The following ICAM5 variants were observed in gnomAD, a reference collection of about 807,000 sequenced individuals.
The protein encoded by ICAM5 is ICAM-5.
Under a neutral mutation model 78.8 loss-of-function variants are expected in ICAM5, and 38 were observed. The ratio of observed to expected loss-of-function variants is 0.48; its 90% CI spans 0.37 to 0.63. ICAM5 has a LOEUF of 0.63. Ranked by LOEUF, ICAM5 falls within the 30% of genes least tolerant of loss-of-function variation. The pLI is 0.00. For missense variants in ICAM5, 1,059 were observed against 1,303.0 expected (o/e 0.81, Z 2.88); for synonymous variants, 544 against 590.9 (o/e 0.92, Z 1.15).
Position 10,291,285 on chromosome 19 carries a change from G to C in ICAM5, c.296G>C (p.Cys99Ser). Residue 99 changes from cysteine (C) to serine (S), a missense_variant, in exon 2 of 11, where the codon TGC becomes TCC. Cys to Ser is a moderately radical substitution (Grantham distance 112). Around this residue, in one of 3 missense-constraint regions of ICAM5, gnomAD observed 815 missense variants for 952.8 expected, o/e 0.86. Transcript: ENST00000221980. ...CGCGAGCCGGAGACTCAGCCCGTCT[G>C]CTTCTTCCGCTGCGCGCGGCGCACA... ...DIREPETQPV[C>S]FFRCARRTLQ... The C allele has an allele frequency of 6.2e-7, 1 of 1,612,470 alleles. No individual in the cohort carries two copies. Among genetic ancestry groups the C allele is most frequent in the Non-Finnish European group, 8.5e-7 (1 of 1,179,842 alleles).
Position 10,296,466 on chromosome 19 carries a change from C to A in ICAM5, c.2625C>A (p.Ala875=). The A allele has an allele frequency of 7.6e-7, 1 of 1,308,242 alleles. No individual in the cohort carries two copies. 81.0% of individuals were successfully genotyped at this position (1,308,242 alleles called of 1,614,324 possible). Residue 875 remains alanine, a synonymous_variant, in exon 11 of 11, where the codon GCC becomes GCA. Transcript: ENST00000221980. ...AGGGCGAGTACAACGTGCAGGAGGC[C>A]GAGAGCTCAGGCGAGGCCGTGTGTC... ...CKKGEYNVQE[A]ESSGEAVCLN...
At chr19:10,292,397 G>A in intron 4 of ICAM5, 75 bp downstream of exon 4, 4 of 1,482,224 alleles carry the variant, frequency 2.7e-6, no homozygotes, top group African/African-American at 1.4e-5. Context: ...AAGAGTGGGC[G>A]GGACCTCAGT....
At position 10,292,111 on chromosome 19, in the gene ICAM5, T is replaced by A; in HGVS notation, c.750T>A (p.Thr250=). The change falls in exon 4 of 11, where the codon ACT becomes ACA. Residue 250 remains threonine (T), a synonymous_variant. Coordinates refer to ENST00000221980, the MANE Select transcript of ICAM5 (RefSeq NM_003259.4). ...GCTCGGAAAGGCCCGTGAGCTGCACTCTGGACGGACTGTTTCCAGCCTCAG... is the reference window on the plus strand; with the variant it reads ...GCTCGGAAAGGCCCGTGAGCTGCACACTGGACGGACTGTTTCCAGCCTCAG... ...EVGSERPVSC[T]LDGLFPASEA... is the part of the protein sequence containing the mutation. 6.2e-7 allele frequency: 1 copy of A among 1,613,352 alleles called. No individual in the cohort carries two copies. Among genetic ancestry groups the A allele is most frequent in the Non-Finnish European group, 8.5e-7 (1 of 1,180,014 alleles).
At position 10,294,886 on chromosome 19, in the gene ICAM5, C is replaced by T. The variant is rs1191852023; in HGVS notation, c.2230+246C>T. Among the ~76,000 whole-genome samples, 4 of 152,048 alleles carry T rather than the reference C, an allele frequency of 2.6e-5. No individual in the cohort carries two copies. Among genetic ancestry groups the T allele is most frequent in the Non-Finnish European group, 5.9e-5 (4 of 68,008 alleles). On this transcript the variant is annotated intron_variant, in intron 9 of 10. Coordinates refer to ENST00000221980, the MANE Select transcript of ICAM5 (RefSeq NM_003259.4). The surrounding 1 kb of genome is among the most constrained non-coding windows in gnomAD (Gnocchi z 7.7). ...TTCGAGACCAGCCCGGCCAACATGG[C>T]GAAAACCCGTCTCTACAAAAATTAG...
At position 10,296,580 on chromosome 19, in the gene ICAM5, G is replaced by A; in HGVS notation, c.2739G>A (p.Glu913=). ...AAGGAAESPA[E]GEVFAIQLTS... ...GGGGCGCGGCCGAGTCGCCGGCGGAGGGCGAGGTCTTCGCCATACAGCTGA... is the reference window on the plus strand; with the variant it reads ...GGGGCGCGGCCGAGTCGCCGGCGGAAGGCGAGGTCTTCGCCATACAGCTGA... Residue 913 remains glutamate, a synonymous_variant, in exon 11 of 11, where the codon GAG becomes GAA. Coordinates refer to ENST00000221980, the MANE Select transcript of ICAM5 (RefSeq NM_003259.4). 1 of 1,217,328 alleles carries A rather than the reference G, an allele frequency of 8.2e-7. No homozygotes were observed. The highest frequency in any genetic ancestry group is 1.0e-6 in the Non-Finnish European group (1 of 972,084). The allele number at this position is 1,217,328 out of a possible 1,614,324, so 75.4% of individuals were successfully genotyped here.
Position 10,294,729 on chromosome 19 carries a change from T to A in ICAM5, c.2230+89T>A. The A allele has an allele frequency of 6.4e-7, 1 of 1,569,898 alleles. No individual in the cohort carries two copies. Among genetic ancestry groups the A allele is most frequent in the East Asian group, 2.3e-5 (1 of 44,100 alleles). On this transcript the variant is annotated intron_variant, in intron 9 of 10. Coordinates refer to ENST00000221980, the MANE Select transcript of ICAM5 (RefSeq NM_003259.4). This position sits in a 1 kb window ranked among gnomAD's most constrained non-coding sequence, Gnocchi z 7.7. ...GAGCATTCAAGGGCACCTCTCCCAA[T>A]CCCATTCTCGGGGACAGGGAATTCC... is the stretch of plus-strand genomic sequence containing the variant.
In ICAM5 at chr19:10,292,659, G is replaced by C; in HGVS notation, c.1009G>C (p.Gly337Arg). Residue 337 changes from glycine (G) to arginine (R), a missense_variant, in exon 5 of 11, where the codon GGG becomes CGG. Physicochemically the swap from Gly to Arg is moderately radical, Grantham distance 125 (BLOSUM62 -2). Coordinates refer to ENST00000221980, the MANE Select transcript of ICAM5 (RefSeq NM_003259.4). ...LTLSEPSVSE[G>R]QMVTVTCAAG... The stretch of plus-strand genomic sequence containing the variant: ...CCTGAGCGAACCCAGCGTCTCCGAG[G>C]GGCAGATGGTGACAGTAACCTGCGC... 6.2e-7 allele frequency: 1 copy of C among 1,602,524 alleles called. No individual in the cohort carries two copies. The highest frequency in any genetic ancestry group is 8.5e-7 in the Non-Finnish European group (1 of 1,174,770).
chr19:10,290,937 G>C lies in ICAM5; in HGVS notation c.83-135G>C. 1 of 1,191,666 alleles carries C rather than the reference G, an allele frequency of 8.4e-7. No individual in the cohort carries two copies. Among genetic ancestry groups the C allele is most frequent in the Non-Finnish European group, 1.2e-6 (1 of 868,244 alleles). 73.8% of individuals were successfully genotyped at this position (1,191,666 alleles called of 1,614,324 possible). ...TAAACCGGAGGCCTGGGCAGGACGC[G>C]GGACGCCTGGGTTCTTTCCCTGGCT... On this transcript the variant is annotated intron_variant, in intron 1 of 10. Transcript: ENST00000221980. The surrounding 1 kb of genome is among the most constrained non-coding windows in gnomAD (Gnocchi z 5.7).
chr19:10,293,129 G>A lies in ICAM5; in HGVS notation c.1348G>A (p.Ala450Thr). 3.7e-6 allele frequency: 6 copies of A among 1,609,540 alleles called. No individual in the cohort carries two copies. Among genetic ancestry groups the A allele is most frequent in the Non-Finnish European group, 5.1e-6 (6 of 1,178,194 alleles). The part of the protein sequence containing the change: ...SVHCARSDGG[A>T]VLALGLLGPV... ...GCACTGTGCGCGCTCCGACGGCGGG[G>A]CCGTGCTGGCTCTGGGCCTGCTGGG... is the stretch of plus-strand genomic sequence containing the variant. The change falls in exon 6 of 11, where the codon GCC (alanine) becomes ACC (threonine). Residue 450 changes from alanine to threonine, a missense_variant. Physicochemically the swap from Ala to Thr is moderately conservative, Grantham distance 58. This residue lies in a region of ICAM5 where 815 missense variants were observed against 952.8 expected (regional missense o/e 0.86). Transcript: ENST00000221980. The surrounding 1 kb of genome is among the most constrained non-coding windows in gnomAD (Gnocchi z 5.0).
Position 10,292,786 on chromosome 19 carries a change from G to T in ICAM5, c.1136G>T (p.Arg379Leu). ...QLNATENDDR[R>L]SFFCDATLDV... is the part of the protein sequence containing the mutation. ...AATGCCACCGAGAACGACGACAGAC[G>T]CAGCTTCTTCTGCGACGCCACCCTC... Residue 379 changes from arginine (R) to leucine (L), a missense_variant, in exon 5 of 11, where the codon CGC becomes CTC. Physicochemically the swap from Arg to Leu is moderately radical, Grantham distance 102. Coordinates refer to ENST00000221980, the MANE Select transcript of ICAM5 (RefSeq NM_003259.4). The T allele has an allele frequency of 6.2e-7, 1 of 1,613,470 alleles. No individual in the cohort carries two copies. The highest frequency in any genetic ancestry group is 8.5e-7 in the Non-Finnish European group (1 of 1,179,984).
chr19:10,291,235 GT>G lies in ICAM5; in HGVS notation c.248del (p.Leu83TrpfsTer41), dbSNP rs748812071. On this transcript the variant is annotated frameshift_variant, in exon 2 of 11. Transcript: ENST00000221980. LOFTEE classifies it high-confidence loss of function. Reference protein sequence around the residue: ...RNGTQRGLRWLARQLVDIREP... With the variant: ...RNGTQRGLRWXARQLVDIREP... Reference sequence around the variant, plus strand: ...ACGGGACCCAGAGGGGTTTGCGTTGGTTGGCGCGGCAGCTGGTGGACATTCG... The same window carrying G: ...ACGGGACCCAGAGGGGTTTGCGTTGGTGGCGCGGCAGCTGGTGGACATTCG... 1 of 1,612,494 alleles carries G rather than the reference GT, an allele frequency of 6.2e-7. No individual in the cohort carries two copies. Among genetic ancestry groups the G allele is most frequent in the Non-Finnish European group, 8.5e-7 (1 of 1,179,942 alleles).
chr19:10,294,538 C>T lies in ICAM5; in HGVS notation c.2128C>T (p.Pro710Ser). 4.3e-6 allele frequency: 7 copies of T among 1,610,240 alleles called. No homozygotes were observed. The highest frequency in any genetic ancestry group is 5.1e-6 in the Non-Finnish European group (6 of 1,178,504). The change falls in exon 9 of 11, where the codon CCT becomes TCT. Residue 710 changes from proline (P) to serine (S), a missense_variant. Around this residue, in one of 3 missense-constraint regions of ICAM5, gnomAD observed 135 missense variants for 230.2 expected, o/e 0.59. Transcript: ENST00000221980. The surrounding 1 kb of genome is among the most constrained non-coding windows in gnomAD (Gnocchi z 7.7). The part of the protein sequence containing the change: ...VRCSREGIPW[P>S]EQQRVSREDA... ...CTGCTCTCGGGAAGGCATCCCATGG[C>T]CTGAGCAGCAGCGCGTGTCCCGAGA... is the stretch of plus-strand genomic sequence containing the variant.
At position 10,292,821 on chromosome 19, in the gene ICAM5, G is replaced by A; in HGVS notation, c.1171G>A (p.Gly391Arg). 6.2e-7 allele frequency: 1 copy of A among 1,613,218 alleles called. No homozygotes were observed. The highest frequency in any genetic ancestry group is 1.1e-5 in the South Asian group (1 of 91,076). ...FFCDATLDVD[G>R]ETLIKNRSAE... ...CTGCGACGCCACCCTCGATGTGGAC[G>A]GGGAGACCCTGATCAAGAACAGGAG... is the stretch of plus-strand genomic sequence containing the variant. The change falls in exon 5 of 11, where the codon GGG becomes AGG. Residue 391 changes from glycine (G) to arginine (R), a missense_variant. Gly to Arg is a moderately radical substitution (Grantham distance 125). Coordinates refer to ENST00000221980, the MANE Select transcript of ICAM5 (RefSeq NM_003259.4).
In ICAM5 at chr19:10,291,243, G is replaced by A. The variant is rs1473080346; in HGVS notation, c.254G>A (p.Arg85Gln). ...GTQRGLRWLA[R>Q]QLVDIREPET... ...CAGAGGGGTTTGCGTTGGTTGGCGC[G>A]GCAGCTGGTGGACATTCGCGAGCCG... The change falls in exon 2 of 11, where the codon CGG becomes CAG. Residue 85 changes from arginine to glutamine, a missense_variant. Coordinates refer to ENST00000221980, the MANE Select transcript of ICAM5 (RefSeq NM_003259.4). 4 of 1,612,356 alleles carry A rather than the reference G, an allele frequency of 2.5e-6. No individual in the cohort carries two copies. The highest frequency in any genetic ancestry group is 1.1e-5 in the South Asian group (1 of 91,078).
rs772570246 is a variant in ICAM5, at chr19:10,293,807, C to G, written c.1575C>G (p.Ile525Met). ...VAHGVPPPDVICVRSGELGAV... is the reference protein window; with the variant it reads ...VAHGVPPPDVMCVRSGELGAV... ...ACGGGGTACCGCCGCCTGATGTGAT[C>G]TGCGTGCGCTCTGGAGAACTCGGGG... Residue 525 changes from isoleucine to methionine, a missense_variant, in exon 7 of 11, where the codon ATC becomes ATG. By Grantham distance (10) the Ile-to-Met change is conservative. Coordinates refer to ENST00000221980, the MANE Select transcript of ICAM5 (RefSeq NM_003259.4). This position sits in a 1 kb window ranked among gnomAD's most constrained non-coding sequence, Gnocchi z 5.0. 11 of 1,613,666 alleles carry G rather than the reference C, an allele frequency of 6.8e-6. No homozygotes were observed. Among genetic ancestry groups the G allele is most frequent in the Admixed American group, 1.7e-5 (1 of 60,026 alleles).
chr19:10,290,967 C>A lies in ICAM5; in HGVS notation c.83-105C>A, dbSNP rs539376521. On this transcript the variant is annotated intron_variant, in intron 1 of 10. Transcript: ENST00000221980. This position sits in a 1 kb window ranked among gnomAD's most constrained non-coding sequence, Gnocchi z 5.7. ...GCCTGGGTTCTTTCCCTGGCTGCAGCCTCTCCTCCTCCTCCCCGCCCTCTG... is the reference window on the plus strand; with the variant it reads ...GCCTGGGTTCTTTCCCTGGCTGCAGACTCTCCTCCTCCTCCCCGCCCTCTG... The A allele has an allele frequency of 8.6e-6, 12 of 1,400,258 alleles. No individual in the cohort carries two copies. The East Asian group carries it at 2.8e-4, about 32-fold the overall frequency. 86.7% of individuals were successfully genotyped at this position (1,400,258 alleles called of 1,614,324 possible). A position where few individuals can be genotyped will look rare whatever the true frequency, so the allele number is the denominator to read the frequency against.
rs1367721967 is a variant in ICAM5 at position 10,294,815 on chromosome 19, C to T, written c.2230+175C>T. ...GCGCAGTGGCTCAGGTCTGTAATCC[C>T]AACACTTTGGAAGGTTGAGGCGGAT... On this transcript the variant is annotated intron_variant, in intron 9 of 10. Transcript: ENST00000221980. The surrounding 1 kb of genome is among the most constrained non-coding windows in gnomAD (Gnocchi z 7.7). Among the ~76,000 whole-genome samples the T allele has an allele frequency of 1.3e-5, 2 of 152,136 alleles. No individual in the cohort carries two copies. Among genetic ancestry groups the T allele is most frequent in the African/African-American group, 4.8e-5 (2 of 41,434 alleles).
chr19:10,294,656 A>G lies in ICAM5; in HGVS notation c.2230+16A>G. On this transcript the variant is annotated intron_variant, in intron 9 of 10. Coordinates refer to ENST00000221980, the MANE Select transcript of ICAM5 (RefSeq NM_003259.4). This position sits in a 1 kb window ranked among gnomAD's most constrained non-coding sequence, Gnocchi z 7.7. ...GGCGTGGAATGTGAGTGGGGGCAGC[A>G]CCGGATGGAGGGGACACGGTCCTCG... 1 of 1,612,420 alleles carries G rather than the reference A, an allele frequency of 6.2e-7. No homozygotes were observed. The highest frequency in any genetic ancestry group is 8.5e-7 in the Non-Finnish European group (1 of 1,179,754).
Position 10,290,431 on chromosome 19 carries a change from A to C in ICAM5, c.82+306A>C. ...GGTACCTCCTTACGCTGTGCTGTGC[A>C]CCATGGTCCACGGACTGGCATCTTC... On this transcript the variant is annotated intron_variant, in intron 1 of 10. Coordinates refer to ENST00000221980, the MANE Select transcript of ICAM5 (RefSeq NM_003259.4). The surrounding 1 kb of genome is among the most constrained non-coding windows in gnomAD (Gnocchi z 5.7). 3.0e-6 allele frequency: 1 copy of C among 335,300 alleles called. No homozygotes were observed. The highest frequency in any genetic ancestry group is 5.0e-5 in the East Asian group (1 of 19,988). The allele number at this position is 335,300 out of a possible 1,614,324, so 20.8% of individuals were successfully genotyped here. A position where few individuals can be genotyped will look rare whatever the true frequency, so the allele number is the denominator to read the frequency against.
Sources: allele counts gnomAD v4.1 joint callset (sites outside exome capture counted in the v4.1 genomes callset), GRCh38; gene constraint gnomAD v4.1.1; regional missense constraint gnomAD v4.1.1; non-coding constraint Gnocchi (gnomAD v3.1); transcripts MANE v1.5; gene names NCBI Gene and HGNC (gene_info 2026-07-23, HGNC 2026-07-21).